PLA2G4A: variants seen among roughly 807,000 people sequenced by gnomAD.
PLA2G4A encodes phospholipase A2 group IVA, also known as cytosolic phospholipase A2.
In PLA2G4A, 40 loss-of-function variants were observed where a neutral mutation model predicts 81.9. The ratio of observed to expected loss-of-function variants is 0.49; its 90% CI spans 0.38 to 0.64. The LOEUF (loss-of-function observed/expected upper bound fraction) is 0.64. PLA2G4A is among the 30% of genes least tolerant of loss of function. The pLI is 0.00. For missense variants in PLA2G4A, 715 were observed against 905.1 expected (o/e 0.79, Z 2.69); for synonymous variants, 302 against 296.9 (o/e 1.02, Z -0.18).
chr1:186,956,000 A>G (rs1656736853), intron 13 of PLA2G4A, 102 bp from the exon 14 acceptor site: 2 of 1,029,494 alleles, frequency 1.9e-6, no homozygotes, highest in African/African-American at 3.1e-5. Flanking sequence ...TTGGCCTCCC[A>G]AAGTGCTAGG....
intron 3 of PLA2G4A, among the ~76,000 whole-genome samples, chr1:186,871,451 A>G (rs1005367596): frequency 6.6e-6 from 1 of 152,160 alleles, no homozygotes; most frequent in Non-Finnish European, 1.5e-5. Flanking sequence ...AGGTTTTGGG[A>G]AAGAGAACAG....
chr1:186,967,308 C>A (rs777040746), intron 15 of PLA2G4A, among the ~76,000 whole-genome samples: 3 of 148,756 alleles, frequency 2.0e-5, no homozygotes, highest in Middle Eastern at 3.5e-3. Flanking sequence ...AAAATCTTAT[C>A]AACAAATTAA....
At chr1:186,939,316 A>G in intron 9 of PLA2G4A, 86 bp downstream of exon 9, 1 of 591,682 alleles carries the variant, frequency 1.7e-6, no homozygotes, top group Non-Finnish European at 2.8e-6. Context: ...AGAAAATGTA[A>G]TACATTTTAT....
At chr1:186,933,030 A>G in intron 8 of PLA2G4A, 131 bp downstream of exon 8, 1 of 720,458 alleles carries the variant, frequency 1.4e-6, no homozygotes, top group South Asian at 1.7e-5. Flanking sequence ...TTCCAGTTTG[A>G]TGCCACAATC....
chr1:186,946,123 T>A (rs955674363), intron 10 of PLA2G4A, among the ~76,000 whole-genome samples: 2 of 152,176 alleles, frequency 1.3e-5, no homozygotes, highest in African/African-American at 4.8e-5. Flanking sequence ...CATGTTTTTC[T>A]AAGGCATTCA....
At chr1:186,944,408 A>C (rs1347975099) in intron 10 of PLA2G4A, among the ~76,000 whole-genome samples, 1 of 152,184 alleles carries the variant, frequency 6.6e-6, no homozygotes, top group Non-Finnish European at 1.5e-5. Context: ...CTAGAAAAGC[A>C]GGAACCAGGA....
intron 10 of PLA2G4A, among the ~76,000 whole-genome samples, chr1:186,941,165 CAGTGTT>C (rs1246722383): frequency 6.6e-6 from 1 of 150,518 alleles, no homozygotes; most frequent in Non-Finnish European, 1.5e-5. Context: ...GGGCCTCTGT[CAGTGTT>C]AGTCTGCAGC....
intron 17 of PLA2G4A, among the ~76,000 whole-genome samples, chr1:186,981,239 G>A (rs1048744342): frequency 4.6e-5 from 7 of 152,136 alleles, no homozygotes; most frequent in African/African-American, 1.7e-4. Flanking sequence ...AAAACAGATT[G>A]TAGGAATATA....
At chr1:186,951,857 T>G (rs1656573172) in intron 13 of PLA2G4A, among the ~76,000 whole-genome samples, 2 of 152,050 alleles carry the variant, frequency 1.3e-5, no homozygotes, top group Admixed American at 1.3e-4. Flanking sequence ...GCATGAGGCT[T>G]GGCTAGATGA....
chr1:186,982,405 T>A (rs1337536132), intron 17 of PLA2G4A, among the ~76,000 whole-genome samples: 1 of 152,178 alleles, frequency 6.6e-6, no homozygotes, highest in African/African-American at 2.4e-5. Flanking sequence ...ATTGTAGTAG[T>A]GAATGTTTAA....
chr1:186,891,029 C>A (rs888560683), intron 3 of PLA2G4A, among the ~76,000 whole-genome samples: 9 of 152,034 alleles, frequency 5.9e-5, no homozygotes, highest in African/African-American at 2.2e-4. Context: ...AAACAATATT[C>A]TTCTCACAAT....
intron 17 of PLA2G4A, among the ~76,000 whole-genome samples, chr1:186,984,561 A>T (rs1012339791): frequency 1.3e-5 from 2 of 152,226 alleles, no homozygotes; most frequent in African/African-American, 4.8e-5. Flanking sequence ...ATCCAGAAAT[A>T]CTGGTACTCA....
Position 186,943,695 on chromosome 1 carries a change from A to G in PLA2G4A, c.1034-2942A>G, listed in dbSNP as rs1223401214. Among the ~76,000 whole-genome samples the G allele has an allele frequency of 8.5e-5, 13 of 152,286 alleles. No homozygotes were observed. The East Asian group carries it at 1.4e-3, about 16-fold the overall frequency. On this transcript the variant is annotated intron_variant, in intron 10 of 17. Transcript: ENST00000367466. ...CAATATGAGAAAATGCTCAGAAGGGAAGCCAGAGTTATGTTTTGGGCATCA... is the reference window on the plus strand; with the variant it reads ...CAATATGAGAAAATGCTCAGAAGGGGAGCCAGAGTTATGTTTTGGGCATCA...
At position 186,881,814 on chromosome 1, in the gene PLA2G4A, A is replaced by G. The variant is rs188870915; in HGVS notation, c.116-11197A>G. Among the ~76,000 whole-genome samples, 7 of 152,170 alleles carry G rather than the reference A, an allele frequency of 4.6e-5. No individual in the cohort carries two copies. The East Asian group carries it at 7.7e-4, about 17-fold the overall frequency. On this transcript the variant is annotated intron_variant, in intron 3 of 17. Coordinates refer to ENST00000367466, the MANE Select transcript of PLA2G4A (RefSeq NM_024420.3). ...TTGAGTGGAGACTGTTGTGCCTATG[A>G]TAAAGGTGACCTGTTCCACAGTATC...
At chr1:186,881,035 CAGTT>C (rs1339118633) in intron 3 of PLA2G4A, among the ~76,000 whole-genome samples, 3 of 151,990 alleles carry the variant, frequency 2.0e-5, no homozygotes, top group Admixed American at 2.0e-4. Flanking sequence ...TACCAACTCT[CAGTT>C]AGCTATTCAT....
At chr1:186,952,360 GT>G (rs1158934274) in intron 13 of PLA2G4A, among the ~76,000 whole-genome samples, 2 of 152,096 alleles carry the variant, frequency 1.3e-5, no homozygotes, top group African/African-American at 4.8e-5. Flanking sequence ...TGTGGTTAAG[GT>G]TTTCTTTTCG....
At chr1:186,935,453 T>C (rs578083416) in intron 8 of PLA2G4A, among the ~76,000 whole-genome samples, 2 of 150,902 alleles carry the variant, frequency 1.3e-5, no homozygotes, top group Admixed American at 1.3e-4. Context: ...ATTTTCTAGA[T>C]GTCTGAGATG....
chr1:186,911,929 G>T (rs1654959010), intron 7 of PLA2G4A, among the ~76,000 whole-genome samples: 1 of 152,230 alleles, frequency 6.6e-6, no homozygotes, highest in South Asian at 2.1e-4. Flanking sequence ...CAGTTGGAGG[G>T]GGAGGTGGGA....
At chr1:186,849,654 C>T (rs1435612750) in intron 1 of PLA2G4A, among the ~76,000 whole-genome samples, 4 of 152,156 alleles carry the variant, frequency 2.6e-5, no homozygotes, top group Non-Finnish European at 5.9e-5. Flanking sequence ...CCTCACTCTG[C>T]ATGGCTAGCT....
Sources: allele counts gnomAD v4.1 joint callset (sites outside exome capture counted in the v4.1 genomes callset), GRCh38; gene constraint gnomAD v4.1.1; transcripts MANE v1.5; gene names NCBI Gene and HGNC (gene_info 2026-07-23, HGNC 2026-07-21).